DENND1A: variants seen among roughly 807,000 people sequenced by gnomAD.
DENND1A encodes the protein DENN domain containing 1A.
A neutral mutation model predicts 113.7 loss-of-function variants in DENND1A; 51 were observed. The ratio of observed to expected loss-of-function variants is 0.45; its 90% CI spans 0.36 to 0.57. The LOEUF (loss-of-function observed/expected upper bound fraction) is 0.57. DENND1A is among the 20% of genes least tolerant of loss of function. The pLI is 0.00. For synonymous variants in DENND1A, 565 were observed against 570.8 expected, an observed-to-expected ratio of 0.99 and a Z score of 0.14; for missense variants, 1,258 against 1,395.9, an observed-to-expected ratio of 0.90 and a Z score of 1.57.
chr9:123,908,675 A>G (rs1237611720), intron 1 of DENND1A, among the ~76,000 whole-genome samples: 66 of 151,224 alleles, frequency 4.4e-4, no homozygotes, highest in African/African-American at 1.6e-3. Context: ...TTAGAATGGC[A>G]ATCATTAAAA....
intron 7 of DENND1A, among the ~76,000 whole-genome samples, chr9:123,670,589 A>G (rs1215341810): frequency 6.6e-6 from 1 of 152,230 alleles, no homozygotes; most frequent in East Asian, 1.9e-4. Flanking sequence ...ACAGTGCAGA[A>G]CATGTAATAG....
chr9:123,653,342 G>A (rs868247394), intron 8 of DENND1A, among the ~76,000 whole-genome samples: 1 of 152,300 alleles, frequency 6.6e-6, no homozygotes. Flanking sequence ...TAATTGTGCA[G>A]TCTTCACAAA....
chr9:123,582,651 G>T (rs2058969151), intron 12 of DENND1A, among the ~76,000 whole-genome samples: 1 of 151,332 alleles, frequency 6.6e-6, no homozygotes, highest in Admixed American at 6.6e-5. Flanking sequence ...TGCCCGCCTT[G>T]GCCTCCCAAA....
intron 18 of DENND1A, among the ~76,000 whole-genome samples, chr9:123,441,659 A>G (rs2046942323): frequency 6.6e-6 from 1 of 152,208 alleles, no homozygotes; most frequent in Non-Finnish European, 1.5e-5. Flanking sequence ...TGTTTTATTC[A>G]AGTCAAGGAA....
intron 12 of DENND1A, among the ~76,000 whole-genome samples, chr9:123,576,377 C>T (rs1275826761): frequency 3.3e-5 from 5 of 152,178 alleles, no homozygotes; most frequent in Non-Finnish European, 7.3e-5. Context: ...CTGTGGTTCT[C>T]TTCACTTCCT....
chr9:123,928,703 C>T, intron 1 of DENND1A: 1 of 985,444 alleles, frequency 1.0e-6, no homozygotes, highest in African/African-American at 1.7e-5. Flanking sequence ...GACTGCAAGG[C>T]TGGGCAAGGG....
At chr9:123,879,455 C>A (rs1430460546) in intron 1 of DENND1A, among the ~76,000 whole-genome samples, 2 of 152,076 alleles carry the variant, frequency 1.3e-5, no homozygotes, top group Non-Finnish European at 2.9e-5. Context: ...ATCACTTGAG[C>A]CCAGGAGGCA....
intron 13 of DENND1A, among the ~76,000 whole-genome samples, chr9:123,544,276 T>C (rs1282058808): frequency 1.3e-5 from 2 of 152,176 alleles, no homozygotes; most frequent in Non-Finnish European, 2.9e-5. Flanking sequence ...ATATCAAATA[T>C]TTAAACAACA....
chr9:123,829,667 C>A (rs779934571), intron 2 of DENND1A, among the ~76,000 whole-genome samples: 41 of 151,816 alleles, frequency 2.7e-4, no homozygotes, highest in Non-Finnish European at 4.6e-4. Flanking sequence ...AGAACTGATA[C>A]AAGAAGAAAT....
chr9:123,603,346 G>C (rs1047161284), intron 11 of DENND1A, among the ~76,000 whole-genome samples: 25 of 152,114 alleles, frequency 1.6e-4, no homozygotes, highest in Admixed American at 3.3e-4. Context: ...TTGTGTAAAA[G>C]CTCCATAGTT....
At chr9:123,552,029 GAGAGAGAGAC>G (rs1214568963) in intron 13 of DENND1A, among the ~76,000 whole-genome samples, 8 of 139,680 alleles carry the variant, frequency 5.7e-5, no homozygotes, top group African/African-American at 1.5e-4. Context: ...GAGAGAGAGA[GAGAGAGAGAC>G]AGAGAGAGAG....
chr9:123,494,588 T>C (rs1028019687), intron 13 of DENND1A, among the ~76,000 whole-genome samples: 3 of 152,186 alleles, frequency 2.0e-5, no homozygotes, highest in Admixed American at 1.3e-4. Context: ...TACGATTTCC[T>C]TCTGGTCCTC....
chr9:123,542,751 C>T (rs2056380357), intron 13 of DENND1A, among the ~76,000 whole-genome samples: 1 of 152,136 alleles, frequency 6.6e-6, no homozygotes. Context: ...CAAGCACCCA[C>T]TGCACAGACC....
intron 1 of DENND1A, chr9:123,928,715 C>G: frequency 4.1e-6 from 4 of 985,436 alleles, no homozygotes; most frequent in Non-Finnish European, 4.8e-6. Flanking sequence ...GGGCAAGGGT[C>G]ACACTGCACG....
chr9:123,810,262 G>A (rs972068095), intron 2 of DENND1A, among the ~76,000 whole-genome samples: 1 of 151,964 alleles, frequency 6.6e-6, no homozygotes, highest in Non-Finnish European at 1.5e-5. Flanking sequence ...ATGTCGCAAG[G>A]CAACTCTTTT....
At chr9:123,788,738 A>C (rs1832565667) in intron 3 of DENND1A, among the ~76,000 whole-genome samples, 3 of 152,118 alleles carry the variant, frequency 2.0e-5, no homozygotes, top group African/African-American at 4.8e-5. Context: ...TTTTATTAAG[A>C]GCCACATTAC....
At chr9:123,585,506 C>T (rs1044253638) in intron 11 of DENND1A, among the ~76,000 whole-genome samples, 2 of 152,180 alleles carry the variant, frequency 1.3e-5, no homozygotes, top group Non-Finnish European at 2.9e-5. Context: ...TTATATGAAG[C>T]ACAATCTCCA....
At chr9:123,383,265 T>C (rs900206992) in intron 23 of DENND1A, among the ~76,000 whole-genome samples, 4 of 152,180 alleles carry the variant, frequency 2.6e-5, no homozygotes, top group African/African-American at 9.6e-5. Flanking sequence ...CTGATTTGCA[T>C]TCATAATGCA....
At chr9:123,659,636 C>A (rs1039716513) in intron 8 of DENND1A, among the ~76,000 whole-genome samples, 15 of 152,214 alleles carry the variant, frequency 9.9e-5, no homozygotes, top group African/African-American at 3.4e-4. Flanking sequence ...TTTAATACTT[C>A]ATGAGTTTCT....
Sources: allele counts gnomAD v4.1 joint callset (sites outside exome capture counted in the v4.1 genomes callset), GRCh38; gene constraint gnomAD v4.1.1; transcripts MANE v1.5; gene names NCBI Gene and HGNC (gene_info 2026-07-23, HGNC 2026-07-21).